The following PTGFRN variants were observed in gnomAD, a reference collection of about 807,000 sequenced individuals.
The protein encoded by PTGFRN is prostaglandin F2 receptor inhibitor.
A neutral mutation model predicts 83.2 loss-of-function variants in PTGFRN; 35 were observed. The observed-to-expected ratio is 0.42, with a 90% CI of 0.32 to 0.56. The LOEUF (loss-of-function observed/expected upper bound fraction) is 0.56. Among genes scored for constraint, PTGFRN ranks in the 20% least tolerant of loss-of-function variants. The probability of loss-of-function intolerance (pLI) is 0.11; values close to 1 mark genes in which losing one functional copy is unlikely to be tolerated. For synonymous variants in PTGFRN, 519 were observed against 498.6 expected (o/e 1.04, Z -0.55); for missense variants, 1,051 against 1,179.5 (o/e 0.89, Z 1.60).
intron 1 of PTGFRN, among the ~76,000 whole-genome samples, chr1:116,911,661 G>T (rs530045174): frequency 2.6e-5 from 4 of 152,136 alleles, no homozygotes; most frequent in Admixed American, 1.3e-4. Context: ...TTTTATTTTT[G>T]AAACAAAGCC....
chr1:116,918,211 G>A lies in PTGFRN; in HGVS notation c.49+7959G>A. Among the ~76,000 whole-genome samples the A allele has an allele frequency of 6.6e-6, 1 of 152,068 alleles. No homozygotes were observed. The highest frequency in any genetic ancestry group is 1.9e-4 in the East Asian group (1 of 5,192). ...TTACTTCATCTCCCAATTAAAAGAG[G>A]AAAAAATAGGATTCAGGCTTCAGAA... On this transcript the variant is annotated intron_variant, in intron 1 of 8. Coordinates refer to ENST00000393203, the MANE Select transcript of PTGFRN (RefSeq NM_020440.4). This position sits in a 1 kb window ranked among gnomAD's most constrained non-coding sequence, Gnocchi z 4.1.
In PTGFRN at chr1:116,984,658, GT is replaced by G. The variant is rs981450044; in HGVS notation, c.2168-18del. 1.9e-6 allele frequency: 3 copies of G among 1,607,884 alleles called. No individual in the cohort carries two copies. The African/African-American group carries it at 4.0e-5, about 21-fold the overall frequency. On this transcript the variant is annotated intron_variant, in intron 7 of 8. Transcript: ENST00000393203. ...TTCTGCCCATTGCACTGACCCCAGG[GT>G]TTTGGCTTGGTAATCCGTAGATGAC...
Position 116,941,280 on chromosome 1 carries a change from A to G in PTGFRN, c.50-435A>G, listed in dbSNP as rs1650051511. ...CATCCGTCATTGTAAATCAGGTCTC[A>G]GGAGCCCCAGGGAATGGTCTCTAGG... On this transcript the variant is annotated intron_variant, in intron 1 of 8. Coordinates refer to ENST00000393203, the MANE Select transcript of PTGFRN (RefSeq NM_020440.4). The surrounding 1 kb of genome is among the most constrained non-coding windows in gnomAD (Gnocchi z 5.0). 6.6e-6 allele frequency among the ~76,000 whole-genome samples: 1 copy of G among 152,228 alleles called. No homozygotes were observed. The highest frequency in any genetic ancestry group is 2.1e-4 in the South Asian group (1 of 4,834).
intron 3 of PTGFRN, among the ~76,000 whole-genome samples, chr1:116,947,671 T>G (rs1474321517): frequency 1.3e-5 from 2 of 152,224 alleles, no homozygotes. Flanking sequence ...GAGTCGTCTT[T>G]TACTTCCAGT....
At chr1:116,967,368 G>A (rs752254348) in intron 6 of PTGFRN, 38 bp downstream of exon 6, 1 of 1,568,864 alleles carries the variant, frequency 6.4e-7, no homozygotes, top group East Asian at 2.3e-5. Context: ...GGTGGAGCTA[G>A]AAGAGACCCT....
chr1:116,933,305 G>A (rs1017435696), intron 1 of PTGFRN, among the ~76,000 whole-genome samples: 6 of 151,260 alleles, frequency 4.0e-5, no homozygotes, highest in Admixed American at 2.0e-4. Context: ...ATTAGAACAC[G>A]TATCAGTGAT....
At chr1:116,926,723 A>G (rs1405960966) in intron 1 of PTGFRN, among the ~76,000 whole-genome samples, 2 of 152,202 alleles carry the variant, frequency 1.3e-5, no homozygotes, top group African/African-American at 4.8e-5. Context: ...TGAGTCTTTA[A>G]GGGCAAATTG....
intron 6 of PTGFRN, among the ~76,000 whole-genome samples, chr1:116,971,427 TAC>T (rs1382198175): frequency 1.3e-5 from 2 of 152,224 alleles, no homozygotes; most frequent in African/African-American, 4.8e-5. Context: ...GTAGTTCCTA[TAC>T]TCTCTGCAGA....
chr1:116,944,901 G>A lies in PTGFRN; in HGVS notation c.641G>A (p.Arg214His), dbSNP rs1289023140. 1.2e-6 allele frequency: 2 copies of A among 1,611,910 alleles called. No individual in the cohort carries two copies. Among genetic ancestry groups the A allele is most frequent in the South Asian group, 2.2e-5 (2 of 91,020 alleles). Residue 214 changes from arginine to histidine, a missense_variant, in exon 3 of 9, where the codon CGC becomes CAC. Around this residue, in one of 3 missense-constraint regions of PTGFRN, gnomAD observed 205 missense variants for 174.5 expected, o/e 1.17. Coordinates refer to ENST00000393203, the MANE Select transcript of PTGFRN (RefSeq NM_020440.4). ...RFHPGLGYEQ[R>H]YHSGDVRLDT... ...CACCCGGGCCTGGGGTACGAGCAGC[G>A]CTACCACAGTGGGGACGTGCGCCTC...
chr1:116,984,626 A>G lies in PTGFRN; in HGVS notation c.2168-54A>G, dbSNP rs754419341. 2.3e-5 allele frequency: 36 copies of G among 1,553,314 alleles called. No individual in the cohort carries two copies. The East Asian group carries it at 5.0e-4, about 21-fold the overall frequency. On this transcript the variant is annotated intron_variant, in intron 7 of 8. Coordinates refer to ENST00000393203, the MANE Select transcript of PTGFRN (RefSeq NM_020440.4). ...GCCTCATACATGGATGTGGCCATAC[A>G]TATGACTTCTGCCCATTGCACTGAC...
rs776332355 is a variant in PTGFRN at position 116,944,668 on chromosome 1, T to C, written c.419-11T>C. The C allele has an allele frequency of 1.4e-6, 2 of 1,407,760 alleles. No individual in the cohort carries two copies. The highest frequency in any genetic ancestry group is 3.0e-5 in the African/African-American group (2 of 66,528). The allele number at this position is 1,407,760 out of a possible 1,614,324, so 87.2% of individuals were successfully genotyped here. ...TGGACGGGCTACTGACCTAGCTTTC[T>C]CTCTCCGCAGTGCTGGCCGACTCCC... On this transcript the variant is annotated splice_polypyrimidine_tract_variant and intron_variant, in intron 2 of 8. Coordinates refer to ENST00000393203, the MANE Select transcript of PTGFRN (RefSeq NM_020440.4).
At chr1:116,945,129 T>C (rs911489676) in intron 3 of PTGFRN, 37 bp downstream of exon 3, 4 of 1,562,394 alleles carry the variant, frequency 2.6e-6, no homozygotes, top group Middle Eastern at 1.7e-4. Context: ...TGATGTTATT[T>C]TGTGACTAAT....
intron 6 of PTGFRN, among the ~76,000 whole-genome samples, 184 bp downstream of exon 6, chr1:116,967,514 C>T (rs764438527): frequency 2.6e-5 from 4 of 152,178 alleles, no homozygotes; most frequent in Non-Finnish European, 4.4e-5. Flanking sequence ...ATCATCACCA[C>T]GACCAGTTTT....
Position 116,984,871 on chromosome 1 carries a change from G to C in PTGFRN, c.2359G>C (p.Asp787His), listed in dbSNP as rs1318972708. Reference sequence around the variant, plus strand: ...GCAAGTGCATGGCTCCGAGGACCAGGACTTTGGCAACTACTACTGTTCCGT... The same window carrying C: ...GCAAGTGCATGGCTCCGAGGACCAGCACTTTGGCAACTACTACTGTTCCGT... ...LLQVHGSEDQ[D>H]FGNYYCSVTP... The change falls in exon 8 of 9, where the codon GAC (aspartate) becomes CAC (histidine). Residue 787 changes from aspartate to histidine, a missense_variant. Asp to His is a moderately conservative substitution (Grantham distance 81). Transcript: ENST00000393203. 3.1e-6 allele frequency: 5 copies of C among 1,614,058 alleles called. No homozygotes were observed. Among genetic ancestry groups the C allele is most frequent in the Admixed American group, 1.7e-5 (1 of 60,010 alleles).
intron 8 of PTGFRN, 85 bp from the exon 9 acceptor site, chr1:116,986,716 C>T (rs1003458358): frequency 1.0e-5 from 14 of 1,360,100 alleles, no homozygotes; most frequent in Middle Eastern, 2.0e-4. Context: ...AGATCCTGCT[C>T]CAGTGGGGAA....
chr1:116,948,495 C>G (rs1235948217), intron 3 of PTGFRN, among the ~76,000 whole-genome samples: 1 of 152,212 alleles, frequency 6.6e-6, no homozygotes, highest in Non-Finnish European at 1.5e-5. Context: ...ATTATACTCT[C>G]AGTACATTAC....
chr1:116,927,019 A>T (rs1649676669), intron 1 of PTGFRN, among the ~76,000 whole-genome samples: 1 of 152,164 alleles, frequency 6.6e-6, no homozygotes, highest in Non-Finnish European at 1.5e-5. Context: ...CTTAGCCCCG[A>T]GATTGCAGCC....
intron 1 of PTGFRN, among the ~76,000 whole-genome samples, chr1:116,920,447 A>G (rs1358462168): frequency 6.6e-6 from 1 of 152,202 alleles, no homozygotes; most frequent in Admixed American, 6.5e-5. Context: ...AGCCCTCACA[A>G]ATGTGACTTG....
intron 1 of PTGFRN, among the ~76,000 whole-genome samples, chr1:116,925,617 C>A (rs1289282231): frequency 6.6e-6 from 1 of 152,104 alleles, no homozygotes; most frequent in Non-Finnish European, 1.5e-5. Context: ...AGTCTAACAT[C>A]ATAGATGAAT....
Sources: gnomAD v4.1 joint callset for allele counts (sites outside exome capture counted in the v4.1 genomes callset) on GRCh38, gnomAD v4.1.1 for gene constraint, gnomAD v4.1.1 regional missense constraint, Gnocchi (gnomAD v3.1) non-coding constraint, MANE v1.5 for transcripts, NCBI Gene and HGNC (gene_info 2026-07-23, HGNC 2026-07-21) for gene names.